EIF4G2: variants seen among roughly 807,000 people sequenced by gnomAD.
EIF4G2 encodes the protein eukaryotic translation initiation factor 4 gamma 2, also known as DAP-5.
A neutral mutation model predicts 117.7 loss-of-function variants in EIF4G2; 8 were observed. The ratio of observed to expected loss-of-function variants is 0.07; its 90% CI spans 0.04 to 0.12. The LOEUF is 0.12. Among genes scored for constraint, EIF4G2 ranks in the 10% least tolerant of loss-of-function variants. The pLI, the probability that EIF4G2 is intolerant of heterozygous loss-of-function variation, is 1.00. For synonymous variants in EIF4G2, 413 were observed against 367.8 expected, an observed-to-expected ratio of 1.12 and a Z score of -1.41; for missense variants, 812 against 1,086.2, an observed-to-expected ratio of 0.75 and a Z score of 3.55.
intron 2 of EIF4G2, 143 bp downstream of exon 2, chr11:10,807,112 C>T: frequency 7.9e-7 from 1 of 1,271,862 alleles, no homozygotes; most frequent in South Asian, 1.5e-5. Context: ...CTTCAGATGG[C>T]AGTTCTTAGA....
intron 3 of EIF4G2, chr11:10,806,607 G>T: frequency 1.9e-6 from 1 of 531,388 alleles, no homozygotes; most frequent in Non-Finnish European, 3.3e-6. Context: ...CAAAGAATAA[G>T]GAAAAAAATA....
chr11:10,803,422 T>C lies in EIF4G2; in HGVS notation c.813+58A>G, dbSNP rs140586381. On this transcript the variant is annotated intron_variant, in intron 9 of 21. Coordinates refer to ENST00000339995, the MANE Select transcript of EIF4G2 (RefSeq NM_001418.4). The surrounding 1 kb of genome is among the most constrained non-coding windows in gnomAD (Gnocchi z 4.0). ...GCAATCCCTTATGATGTCACAAAAA[T>C]CAATAGCTTGATTTAAAGACAAACT... 17 of 1,577,874 alleles carry C rather than the reference T, an allele frequency of 1.1e-5. No individual in the cohort carries two copies. In the African/African-American group the frequency reaches 1.8e-4, roughly 16 times the overall value.
rs780654175 is a variant in EIF4G2, at chr11:10,801,559, T to C, written c.1413+102A>G. ...GAAAAGAGAGAAAAACGTCAAGAAC[T>C]CCAGCATAAAGTCCTCTTAATAACG... On this transcript the variant is annotated intron_variant, in intron 14 of 21. Transcript: ENST00000339995. 176 of 1,034,630 alleles carry C rather than the reference T, an allele frequency of 1.7e-4. 1 individual carries two copies. The highest frequency in any genetic ancestry group is 1.5e-3 in the Admixed American group (88 of 59,158). 64.1% of individuals were successfully genotyped at this position (1,034,630 alleles called of 1,614,324 possible).
At position 10,797,860 on chromosome 11, in the gene EIF4G2, A is replaced by C; in HGVS notation, c.2680T>G (p.Leu894Val). The change falls in exon 22 of 22, where the codon TTA becomes GTA. Residue 894 changes from leucine to valine, a missense_variant. Around this residue, in one of 4 missense-constraint regions of EIF4G2, gnomAD observed 8 missense variants for 30.3 expected, o/e 0.26. Coordinates refer to ENST00000339995, the MANE Select transcript of EIF4G2 (RefSeq NM_001418.4). This position sits in a 1 kb window ranked among gnomAD's most constrained non-coding sequence, Gnocchi z 4.5. Reference sequence around the variant, plus strand: ...GATTCTTCTTCTTCAGCAGTTTCTAACCAGGTTAGCCACTGATTCACCTAT... The same window carrying C: ...GATTCTTCTTCTTCAGCAGTTTCTACCCAGGTTAGCCACTGATTCACCTAT... 6.2e-7 allele frequency: 1 copy of C among 1,613,976 alleles called. No individual in the cohort carries two copies.
chr11:10,802,433 A>G lies in EIF4G2; in HGVS notation c.999T>C (p.Asp333=). 3.8e-6 allele frequency: 6 copies of G among 1,574,798 alleles called. No homozygotes were observed. The highest frequency in any genetic ancestry group is 1.2e-5 in the South Asian group (1 of 85,198). ...TAGGAGCAGGAATAAACACCCCTAG[A>G]TCCTTTAGAAATGAAGTGAATATGC... The change falls in exon 12 of 22, where the codon GAT becomes GAC. Residue 333 remains aspartate, a splice_region_variant and synonymous_variant. Transcript: ENST00000339995.
At position 10,803,800 on chromosome 11, in the gene EIF4G2, C is replaced by T; in HGVS notation, c.702+99G>A. ...ATTCTGTTTAGTAAATTTTGTTGCACATCTGTATTTAACTAGTCAACCTCC... is the reference window on the plus strand; with the variant it reads ...ATTCTGTTTAGTAAATTTTGTTGCATATCTGTATTTAACTAGTCAACCTCC... On this transcript the variant is annotated intron_variant, in intron 8 of 21. Coordinates refer to ENST00000339995, the MANE Select transcript of EIF4G2 (RefSeq NM_001418.4). This position sits in a 1 kb window ranked among gnomAD's most constrained non-coding sequence, Gnocchi z 4.0. 1.4e-6 allele frequency: 2 copies of T among 1,422,578 alleles called. No homozygotes were observed. The highest frequency in any genetic ancestry group is 2.7e-5 in the South Asian group (2 of 75,200). 88.1% of individuals were successfully genotyped at this position (1,422,578 alleles called of 1,614,324 possible).
In EIF4G2 at chr11:10,808,156, C is replaced by G. The variant is rs1056950164; in HGVS notation, c.-87+549G>C. 4 of 1,094,796 alleles carry G rather than the reference C, an allele frequency of 3.7e-6. No individual in the cohort carries two copies. The African/African-American group carries it at 6.9e-5, about 19-fold the overall frequency. The allele number at this position is 1,094,796 out of a possible 1,614,324, so 67.8% of individuals were successfully genotyped here. A position where few individuals can be genotyped will look rare whatever the true frequency, so the allele number is the denominator to read the frequency against. ...GCGGGCCCCCTCCTGCACCATAAAT[C>G]CCCCCGGGACTGACAACCGCCTCGC... On this transcript the variant is annotated intron_variant, in intron 1 of 21. Coordinates refer to ENST00000339995, the MANE Select transcript of EIF4G2 (RefSeq NM_001418.4).
At position 10,801,789 on chromosome 11, in the gene EIF4G2, G is replaced by A. The variant is rs767221726; in HGVS notation, c.1300-15C>T. On this transcript the variant is annotated splice_polypyrimidine_tract_variant and intron_variant, in intron 13 of 21. Transcript: ENST00000339995. ...TGGCTTAGCCCCTATTTCAGAAAAG[G>A]AGAAAGAAAGTCTAGATAAAAAGGG... 1.7e-5 allele frequency: 28 copies of A among 1,608,882 alleles called. No individual in the cohort carries two copies. The highest frequency in any genetic ancestry group is 2.0e-5 in the Non-Finnish European group (23 of 1,177,424).
At chr11:10,806,799 T>C (rs748792407) in intron 3 of EIF4G2, 21 bp downstream of exon 3, 3 of 1,613,408 alleles carry the variant, frequency 1.9e-6, no homozygotes, top group Non-Finnish European at 2.5e-6. Flanking sequence ...AGCTCACTGT[T>C]TTTTTACATG....
rs368491326 is a variant in EIF4G2, at chr11:10,804,267, A to C, written c.483+20T>G. 3.7e-6 allele frequency: 6 copies of C among 1,612,978 alleles called. No homozygotes were observed. In the African/African-American group the frequency reaches 5.3e-5, roughly 14 times the overall value. The stretch of plus-strand genomic sequence containing the variant: ...TTTTCAAGTCAACTTTAAAACAAGC[A>C]AACAAAAACTACCACTTACGGTGCT... On this transcript the variant is annotated intron_variant, in intron 6 of 21. Transcript: ENST00000339995.
intron 1 of EIF4G2, 81 bp from the exon 2 acceptor site, chr11:10,807,462 GATCC>G: frequency 7.0e-7 from 1 of 1,429,564 alleles, no homozygotes; most frequent in Non-Finnish European, 9.1e-7. Flanking sequence ...ACGTATTTCA[GATCC>G]TGGCACTGTC....
At chr11:10,807,120 A>C in intron 2 of EIF4G2, 135 bp downstream of exon 2, 2 of 1,355,376 alleles carry the variant, frequency 1.5e-6, no homozygotes, top group South Asian at 1.4e-5. Context: ...GGCAGTTCTT[A>C]GAAGGCTGTC....
At chr11:10,798,541 C>T (rs757582524) in intron 21 of EIF4G2, among the ~76,000 whole-genome samples, 24 of 152,010 alleles carry the variant, frequency 1.6e-4, no homozygotes, top group East Asian at 7.7e-4. Flanking sequence ...CATGTCACCA[C>T]GTCTGGCTAA....
Position 10,803,023 on chromosome 11 carries a change from A to C in EIF4G2, c.996+7T>G. On this transcript the variant is annotated splice_region_variant and intron_variant, in intron 11 of 21. Transcript: ENST00000339995. The surrounding 1 kb of genome is among the most constrained non-coding windows in gnomAD (Gnocchi z 4.0). ...TATGTGACAAACAAAACAAAACCCA[A>C]TCTTACTTTTACTGCATCTTGACGA... is the stretch of plus-strand genomic sequence containing the variant. The C allele has an allele frequency of 6.2e-7, 1 of 1,605,868 alleles. No individual in the cohort carries two copies.
chr11:10,798,919 A>C lies in EIF4G2; in HGVS notation c.2658+73T>G, dbSNP rs16908316. On this transcript the variant is annotated intron_variant, in intron 21 of 21. Coordinates refer to ENST00000339995, the MANE Select transcript of EIF4G2 (RefSeq NM_001418.4). The stretch of plus-strand genomic sequence containing the variant: ...ACTACCTTGCCTGTATTTCAGTTGA[A>C]AAAGGCTCTTAACTTGAAGTTAATA... The C allele has an allele frequency of 1.3e-3, 1,942 of 1,540,926 alleles. 20 individuals carry two copies. In the African/African-American group the frequency reaches 0.022, roughly 18 times the overall value.
rs371592313 is a variant in EIF4G2 at position 10,807,959 on chromosome 11, C to A, written c.-86-578G>T. 6.2e-5 allele frequency: 63 copies of A among 1,023,164 alleles called. No individual in the cohort carries two copies. In the East Asian group the frequency reaches 2.6e-3, roughly 42 times the overall value. The allele number at this position is 1,023,164 out of a possible 1,614,324, so 63.4% of individuals were successfully genotyped here. A position where few individuals can be genotyped will look rare whatever the true frequency, so the allele number is the denominator to read the frequency against. On this transcript the variant is annotated intron_variant, in intron 1 of 21. Coordinates refer to ENST00000339995, the MANE Select transcript of EIF4G2 (RefSeq NM_001418.4). ...TTTTCCCTTCCTGGGAACAAAAGAG[C>A]GGAGCATTCCTCCCACCCAGGCGCA...
At position 10,800,988 on chromosome 11, in the gene EIF4G2, G is replaced by A. The variant is rs1277094602; in HGVS notation, c.1513C>T (p.Arg505Cys). Reference sequence around the variant, plus strand: ...TGTCCCAGAGGTGGTGTTTGAGTGCGTGGTGGTTGTGCACTAGGAGGAATC... The same window carrying A: ...TGTCCCAGAGGTGGTGTTTGAGTGCATGGTGGTTGTGCACTAGGAGGAATC... Residue 505 changes from arginine (R) to cysteine (C), a missense_variant, in exon 15 of 22, where the codon CGC (arginine) becomes TGC (cysteine). Coordinates refer to ENST00000339995, the MANE Select transcript of EIF4G2 (RefSeq NM_001418.4). 9.9e-6 allele frequency: 16 copies of A among 1,614,064 alleles called. No homozygotes were observed. Among genetic ancestry groups the A allele is most frequent in the African/African-American group, 1.3e-5 (1 of 74,940 alleles).
chr11:10,804,319 CTGCTGGGCCATCAAAGTT>C lies in EIF4G2; in HGVS notation c.433_450del (p.Asn145_Ala150del), dbSNP rs1324792464. ...TGCTTCTGTCCTGGTTGACCCTCTG[CTGCTGGGCCATCAAAGTT>C]TGGTGCATCTTCTGCCAATCGCAGA... is the stretch of plus-strand genomic sequence containing the variant. On this transcript the variant is annotated inframe_deletion, in exon 6 of 22. Coordinates refer to ENST00000339995, the MANE Select transcript of EIF4G2 (RefSeq NM_001418.4). The C allele has an allele frequency of 6.2e-7, 1 of 1,614,074 alleles. No individual in the cohort carries two copies. The highest frequency in any genetic ancestry group is 1.3e-5 in the African/African-American group (1 of 74,932).
chr11:10,808,807 G>A lies in EIF4G2; in HGVS notation c.-189C>T, dbSNP rs927268697. The A allele has an allele frequency of 5.9e-6, 1 of 170,482 alleles. No individual in the cohort carries two copies. The highest frequency in any genetic ancestry group is 2.4e-5 in the African/African-American group (1 of 41,350). The allele number at this position is 170,482 out of a possible 1,614,324, so 10.6% of individuals were successfully genotyped here. ...AAGGGGAACGGAAAACAAAAAAAAGGGGGAGGGAAGGGGGAGGAAGGAGTC... is the reference window on the plus strand; with the variant it reads ...AAGGGGAACGGAAAACAAAAAAAAGAGGGAGGGAAGGGGGAGGAAGGAGTC... On this transcript the variant is annotated 5_prime_UTR_variant, in exon 1 of 22. Coordinates refer to ENST00000339995, the MANE Select transcript of EIF4G2 (RefSeq NM_001418.4).
Sources: allele counts gnomAD v4.1 joint callset (sites outside exome capture counted in the v4.1 genomes callset), GRCh38; gene constraint gnomAD v4.1.1; regional missense constraint gnomAD v4.1.1; non-coding constraint Gnocchi (gnomAD v3.1); transcripts MANE v1.5; gene names NCBI Gene and HGNC (gene_info 2026-07-23, HGNC 2026-07-21).